The following XPR1 variants were observed in gnomAD, a reference collection of about 807,000 sequenced individuals.
XPR1 encodes xenotropic and polytropic retrovirus receptor 1.
XPR1 carries 28 observed loss-of-function variants against 87.5 expected under a neutral mutation model. The observed-to-expected ratio is 0.32, with a 90% CI of 0.24 to 0.44. The LOEUF is 0.44. XPR1 is among the 20% of genes least tolerant of loss of function. The pLI is 1.00. For missense variants in XPR1, 559 were observed against 862.3 expected (o/e 0.65, Z 4.41); for synonymous variants, 300 against 306.1 (o/e 0.98, Z 0.21).
chr1:180,644,547 C>G (rs1029546392), intron 1 of XPR1, among the ~76,000 whole-genome samples: 1 of 151,162 alleles, frequency 6.6e-6, no homozygotes, highest in African/African-American at 2.4e-5. Context: ...GAATTTGGAT[C>G]TCATTATTTA....
intron 3 of XPR1, among the ~76,000 whole-genome samples, chr1:180,797,155 A>G (rs376692596): frequency 6.6e-6 from 1 of 152,224 alleles, no homozygotes; most frequent in East Asian, 1.9e-4. Flanking sequence ...GATGAATCCT[A>G]TGGTAGGTAA....
At chr1:180,712,143 AC>A (rs1657821161) in intron 2 of XPR1, among the ~76,000 whole-genome samples, 1 of 152,348 alleles carries the variant, frequency 6.6e-6, no homozygotes, top group East Asian at 1.9e-4. Flanking sequence ...ACAATAAGAG[AC>A]TAACAATAAT....
intron 1 of XPR1, among the ~76,000 whole-genome samples, chr1:180,656,553 A>ATATAATATTTATATAT (rs1371228766): frequency 1.0e-3 from 14 of 13,952 alleles, no homozygotes; most frequent in Admixed American, 3.7e-3. Flanking sequence ...TTATATATTT[A>ATATAATATTTATATAT]TATGTATAAT....
intron 2 of XPR1, among the ~76,000 whole-genome samples, chr1:180,732,736 G>A (rs548303807): frequency 1.8e-4 from 28 of 152,320 alleles, no homozygotes; most frequent in African/African-American, 6.3e-4. Flanking sequence ...TAGTTTTGAT[G>A]TCTATAGGCG....
At chr1:180,646,511 C>T (rs911304612) in intron 1 of XPR1, among the ~76,000 whole-genome samples, 5 of 152,072 alleles carry the variant, frequency 3.3e-5, no homozygotes, top group African/African-American at 1.2e-4. Flanking sequence ...GCCACATATA[C>T]AAAGCTGGCT....
At chr1:180,848,933 C>T (rs537639312) in intron 11 of XPR1, among the ~76,000 whole-genome samples, 5 of 152,186 alleles carry the variant, frequency 3.3e-5, no homozygotes, top group African/African-American at 1.2e-4. Context: ...TATCACTAAA[C>T]CAAAGGAGAA....
chr1:180,786,419 A>G (rs1320404325), intron 2 of XPR1, among the ~76,000 whole-genome samples: 2 of 152,166 alleles, frequency 1.3e-5, no homozygotes, highest in East Asian at 3.9e-4. Flanking sequence ...TCAGAAAGGA[A>G]TCTATACTTT....
intron 2 of XPR1, among the ~76,000 whole-genome samples, chr1:180,689,958 C>T (rs113296717): frequency 0.034 from 5,113 of 152,114 alleles, 192 homozygotes; most frequent in African/African-American, 0.092. Flanking sequence ...GAGTTTGAGA[C>T]CAGCCTGGAC....
intron 2 of XPR1, among the ~76,000 whole-genome samples, chr1:180,785,341 C>T (rs1649102254): frequency 6.6e-6 from 1 of 151,870 alleles, no homozygotes; most frequent in African/African-American, 2.4e-5. Context: ...TTAGCAGAGA[C>T]AGGACAGGGT....
rs149986866 is a variant in XPR1, at chr1:180,711,342, G to A, written c.121+28931G>A. On this transcript the variant is annotated intron_variant, in intron 2 of 14. Coordinates refer to ENST00000367590, the MANE Select transcript of XPR1 (RefSeq NM_004736.4). Reference sequence around the variant, plus strand: ...GGGCAACATTGAGCACTGAGTGAACGAGACTCCATCTGCAATCCCAGCACC... The same window carrying A: ...GGGCAACATTGAGCACTGAGTGAACAAGACTCCATCTGCAATCCCAGCACC... 7.2e-3 allele frequency among the ~76,000 whole-genome samples: 1,092 copies of A among 152,320 alleles called. 4 individuals are homozygous for A. The highest frequency in any genetic ancestry group is 0.01 in the Non-Finnish European group (703 of 68,018).
intron 2 of XPR1, among the ~76,000 whole-genome samples, chr1:180,720,347 G>T (rs1658139609): frequency 6.6e-6 from 1 of 152,152 alleles, no homozygotes; most frequent in Non-Finnish European, 1.5e-5. Context: ...AAAACAGTTG[G>T]TAATGTGACA....
chr1:180,713,823 C>T (rs1381036118), intron 2 of XPR1, among the ~76,000 whole-genome samples: 2 of 152,058 alleles, frequency 1.3e-5, no homozygotes, highest in African/African-American at 4.8e-5. Context: ...ATATTGTTCT[C>T]TAGAAGTCTT....
At chr1:180,678,931 C>A (rs552797415) in intron 1 of XPR1, among the ~76,000 whole-genome samples, 100 of 151,242 alleles carry the variant, frequency 6.6e-4, no homozygotes, top group African/African-American at 1.8e-3. Flanking sequence ...CATGGTGGCT[C>A]ACGCCTGTAA....
chr1:180,671,441 GTAA>G (rs1437388775), intron 1 of XPR1, among the ~76,000 whole-genome samples: 2 of 152,136 alleles, frequency 1.3e-5, no homozygotes, highest in Non-Finnish European at 2.9e-5. Flanking sequence ...GAAAGAAAAC[GTAA>G]TAATGTTAAC....
chr1:180,789,432 A>G (rs1050819039), intron 3 of XPR1, among the ~76,000 whole-genome samples: 3 of 147,344 alleles, frequency 2.0e-5, no homozygotes, highest in East Asian at 1.9e-4. Flanking sequence ...ATACGAGTCT[A>G]TGACCATGTC....
chr1:180,659,742 A>G (rs932118253), intron 1 of XPR1, among the ~76,000 whole-genome samples: 7 of 151,612 alleles, frequency 4.6e-5, no homozygotes, highest in African/African-American at 1.7e-4. Context: ...TGGTCTTGAA[A>G]TCCTGACCTC....
intron 11 of XPR1, among the ~76,000 whole-genome samples, chr1:180,845,392 CAA>C (rs1028005718): frequency 6.6e-6 from 1 of 152,118 alleles, no homozygotes; most frequent in Non-Finnish European, 1.5e-5. Context: ...AATAATCTAA[CAA>C]ATGTTCAGCA....
At chr1:180,772,724 C>T (rs946409849) in intron 2 of XPR1, among the ~76,000 whole-genome samples, 1 of 152,204 alleles carries the variant, frequency 6.6e-6, no homozygotes, top group African/African-American at 2.4e-5. Context: ...CGCTCTTTGC[C>T]TGCTGGCATC....
intron 2 of XPR1, among the ~76,000 whole-genome samples, chr1:180,687,625 T>C (rs1165779676): frequency 6.6e-6 from 1 of 151,368 alleles, no homozygotes; most frequent in Non-Finnish European, 1.5e-5. Flanking sequence ...AAATTATGTT[T>C]ACTTTAATTT....
Sources: allele counts gnomAD v4.1 joint callset (sites outside exome capture counted in the v4.1 genomes callset), GRCh38; gene constraint gnomAD v4.1.1; transcripts MANE v1.5; gene names NCBI Gene and HGNC (gene_info 2026-07-23, HGNC 2026-07-21).